Variants in CNTNAP2 observed in about 807,000 individuals in gnomAD.
The protein encoded by CNTNAP2 is contactin associated protein 2.
In CNTNAP2, 98 loss-of-function variants were observed where a neutral mutation model predicts 155.2. That is an observed-to-expected ratio of 0.63 (90% CI 0.54 to 0.75). The LOEUF (loss-of-function observed/expected upper bound fraction) is 0.75. Among genes scored for constraint, CNTNAP2 ranks in the 30% least tolerant of loss-of-function variants. The pLI is 0.00. For synonymous variants in CNTNAP2, 651 were observed against 631.2 expected (o/e 1.03, Z -0.47); for missense variants, 1,727 against 1,688.1 (o/e 1.02, Z -0.40).
intron 2 of CNTNAP2, among the ~76,000 whole-genome samples, chr7:146,803,167 C>T (rs1488207220): frequency 2.0e-5 from 3 of 151,916 alleles, no homozygotes; most frequent in Admixed American, 6.6e-5. Context: ...TGAACGTGCA[C>T]GTCTAAAACA....
At chr7:147,096,273 A>G (rs542997103) in intron 4 of CNTNAP2, among the ~76,000 whole-genome samples, 3 of 152,184 alleles carry the variant, frequency 2.0e-5, no homozygotes, top group Non-Finnish European at 2.9e-5. Context: ...CTCCAAATCA[A>G]CTGGTGAACA....
At chr7:146,999,780 G>A (rs887635769) in intron 3 of CNTNAP2, among the ~76,000 whole-genome samples, 1 of 151,942 alleles carries the variant, frequency 6.6e-6, no homozygotes, top group African/African-American at 2.4e-5. Flanking sequence ...TTTGTGGTTT[G>A]CTTCTTCGCT....
chr7:147,656,479 T>A (rs1197922349), intron 13 of CNTNAP2, among the ~76,000 whole-genome samples: 1 of 152,184 alleles, frequency 6.6e-6, no homozygotes, highest in African/African-American at 2.4e-5. Context: ...TGAACAGGGC[T>A]AATTTCAATA....
chr7:148,284,292 A>AT (rs1226159098), intron 21 of CNTNAP2, among the ~76,000 whole-genome samples: 1 of 151,962 alleles, frequency 6.6e-6, no homozygotes, highest in Non-Finnish European at 1.5e-5. Context: ...TACTGTTCTC[A>AT]TGGTAGTGAA....
chr7:147,723,911 A>C lies in CNTNAP2; in HGVS notation c.2098+84605A>C, dbSNP rs144224391. Among the ~76,000 whole-genome samples, 3 of 151,866 alleles carry C rather than the reference A, an allele frequency of 2.0e-5. No individual in the cohort carries two copies. The East Asian group carries it at 5.9e-4, about 30-fold the overall frequency. On this transcript the variant is annotated intron_variant, in intron 13 of 23. Coordinates refer to ENST00000361727, the MANE Select transcript of CNTNAP2 (RefSeq NM_014141.6). Reference sequence around the variant, plus strand: ...CACTTTTAGAATCCTCTCTTTTAGGAATTCTTTGTATAGTTTCAAGGCTTC... The same window carrying C: ...CACTTTTAGAATCCTCTCTTTTAGGCATTCTTTGTATAGTTTCAAGGCTTC...
At chr7:147,077,495 C>T (rs1442924395) in intron 4 of CNTNAP2, among the ~76,000 whole-genome samples, 2 of 152,284 alleles carry the variant, frequency 1.3e-5, no homozygotes, top group East Asian at 3.9e-4. Context: ...GCAAGATCCC[C>T]GTACTTCCTG....
intron 15 of CNTNAP2, among the ~76,000 whole-genome samples, chr7:147,982,640 TG>T (rs1163397486): frequency 6.6e-6 from 1 of 152,238 alleles, no homozygotes; most frequent in African/African-American, 2.4e-5. Context: ...AGTTATTTTA[TG>T]TGCCAGACTA....
chr7:146,619,198 G>C (rs1799278040), intron 1 of CNTNAP2, among the ~76,000 whole-genome samples: 1 of 152,012 alleles, frequency 6.6e-6, no homozygotes, highest in Admixed American at 6.6e-5. Context: ...AGAGAATAGT[G>C]TGTAATATTT....
At position 146,555,698 on chromosome 7, in the gene CNTNAP2, C is replaced by T. The variant is rs192159658; in HGVS notation, c.98-218573C>T. Among the ~76,000 whole-genome samples, 8 of 152,186 alleles carry T rather than the reference C, an allele frequency of 5.3e-5. No individual in the cohort carries two copies. In the East Asian group the frequency reaches 9.7e-4, roughly 18 times the overall value. ...TTTAATGAAATTACCATCCAAAAAA[C>T]GTGTTTGGGTGAGCAAGTGGTACCA... On this transcript the variant is annotated intron_variant, in intron 1 of 23. Transcript: ENST00000361727.
At chr7:146,249,289 A>AAT (rs1799719325) in intron 1 of CNTNAP2, among the ~76,000 whole-genome samples, 2 of 152,322 alleles carry the variant, frequency 1.3e-5, no homozygotes, top group African/African-American at 4.8e-5. Context: ...ATTCCTTTAA[A>AAT]ATATTCTAGA....
chr7:147,562,050 G>T lies in CNTNAP2; in HGVS notation c.1778-88G>T, dbSNP rs1800073725. 1.9e-6 allele frequency: 3 copies of T among 1,541,646 alleles called. No individual in the cohort carries two copies. The East Asian group carries it at 6.8e-5, about 35-fold the overall frequency. ...AAGAACTACTCCTAACTAGTGGTTT[G>T]CTAGCATTGCAATATGCCACTGGGA... is the stretch of plus-strand genomic sequence containing the variant. On this transcript the variant is annotated intron_variant, in intron 11 of 23. Transcript: ENST00000361727.
chr7:147,406,422 G>C (rs1016087824), intron 10 of CNTNAP2, among the ~76,000 whole-genome samples: 2 of 151,866 alleles, frequency 1.3e-5, no homozygotes, highest in African/African-American at 4.8e-5. Flanking sequence ...TCTATGCCAA[G>C]AAAAAAACAG....
chr7:146,796,842 A>G (rs544155918), intron 2 of CNTNAP2, among the ~76,000 whole-genome samples: 14 of 152,226 alleles, frequency 9.2e-5, no homozygotes, highest in African/African-American at 3.4e-4. Flanking sequence ...GCACTCATTA[A>G]GAAAACATTC....
At chr7:147,476,161 A>G (rs1398752884) in intron 10 of CNTNAP2, among the ~76,000 whole-genome samples, 1 of 152,036 alleles carries the variant, frequency 6.6e-6, no homozygotes, top group African/African-American at 2.4e-5. Context: ...GCTGGAGTGC[A>G]GTGGCACGAT....
chr7:147,282,265 G>A (rs368001406), intron 8 of CNTNAP2, among the ~76,000 whole-genome samples: 5 of 151,978 alleles, frequency 3.3e-5, no homozygotes, highest in African/African-American at 1.2e-4. Context: ...ATATAAATCA[G>A]GTGTGACCAG....
chr7:147,408,391 A>G (rs543302573), intron 10 of CNTNAP2, among the ~76,000 whole-genome samples: 101 of 152,310 alleles, frequency 6.6e-4, no homozygotes, highest in Non-Finnish European at 5.9e-5. Flanking sequence ...AAGGATTTAC[A>G]GTAGGTTCTT....
chr7:146,320,484 C>A (rs1401903021), intron 1 of CNTNAP2, among the ~76,000 whole-genome samples: 1 of 152,014 alleles, frequency 6.6e-6, no homozygotes, highest in Non-Finnish European at 1.5e-5. Context: ...CTAAATAGTA[C>A]CTCTTGAAAT....
intron 8 of CNTNAP2, chr7:147,162,012 A>G (rs1264195686): frequency 6.6e-6 from 1 of 152,168 alleles, no homozygotes; most frequent in Non-Finnish European, 1.5e-5. Flanking sequence ...TATGAATGGA[A>G]TCTTTACTCT....
At chr7:147,466,089 T>C (rs1798114951) in intron 10 of CNTNAP2, among the ~76,000 whole-genome samples, 1 of 152,176 alleles carries the variant, frequency 6.6e-6, no homozygotes, top group Non-Finnish European at 1.5e-5. Context: ...GCCTGTAGAA[T>C]AAAGGCCAAA....
Sources: gnomAD v4.1 joint callset for allele counts (sites outside exome capture counted in the v4.1 genomes callset) on GRCh38, gnomAD v4.1.1 for gene constraint, MANE v1.5 for transcripts, NCBI Gene and HGNC (gene_info 2026-07-23, HGNC 2026-07-21) for gene names.